Variants in NKAIN2 observed in about 807,000 individuals in gnomAD.
NKAIN2 encodes the protein sodium/potassium-transporting ATPase subunit beta-1-interacting protein 2.
Under a neutral mutation model 32.6 loss-of-function variants are expected in NKAIN2, and 14 were observed. The ratio of observed to expected loss-of-function variants is 0.43; its 90% confidence interval spans 0.28 to 0.67. NKAIN2 has a LOEUF of 0.67. Among genes scored for constraint, NKAIN2 ranks in the 30% least tolerant of loss-of-function variants. The pLI is 0.17. For missense variants in NKAIN2, 198 were observed against 258.3 expected (o/e 0.77, Z 1.60); for synonymous variants, 80 against 87.2 (o/e 0.92, Z 0.46).
chr6:124,677,245 A>G (rs1175671889), intron 4 of NKAIN2, among the ~76,000 whole-genome samples: 1 of 152,218 alleles, frequency 6.6e-6, no homozygotes, highest in Non-Finnish European at 1.5e-5. Context: ...CTGGGATTAC[A>G]GGCGTGAGCC....
At chr6:123,905,314 T>G (rs911412477) in intron 1 of NKAIN2, among the ~76,000 whole-genome samples, 1 of 151,862 alleles carries the variant, frequency 6.6e-6, no homozygotes, top group Non-Finnish European at 1.5e-5. Flanking sequence ...GTGCAATTAG[T>G]GGGTTTGCAT....
rs571674755 is a variant in NKAIN2, at chr6:124,160,484, G to C, written c.55-122521G>C. ...ATGCTACATACTGTATGTATATATA[G>C]ATGTATATGAAAATGGACTTGCAAA... On this transcript the variant is annotated intron_variant, in intron 1 of 6. Transcript: ENST00000368417. Among the ~76,000 whole-genome samples the C allele has an allele frequency of 2.0e-5, 3 of 152,214 alleles. No individual in the cohort carries two copies. The South Asian group carries it at 6.2e-4, about 32-fold the overall frequency.
intron 3 of NKAIN2, among the ~76,000 whole-genome samples, chr6:124,615,361 A>G (rs1782847104): frequency 6.6e-6 from 1 of 152,234 alleles, no homozygotes; most frequent in African/African-American, 2.4e-5. Context: ...AACAAAGTTA[A>G]TTGTGTACTA....
intron 1 of NKAIN2, among the ~76,000 whole-genome samples, chr6:124,145,566 C>T (rs577038169): frequency 1.3e-5 from 2 of 152,120 alleles, no homozygotes; most frequent in Non-Finnish European, 2.9e-5. Flanking sequence ...AGTGCAATGG[C>T]GCCATCTCTG....
chr6:124,688,362 G>T (rs779518051), intron 4 of NKAIN2, among the ~76,000 whole-genome samples: 1 of 151,962 alleles, frequency 6.6e-6, no homozygotes, highest in East Asian at 1.9e-4. Context: ...CAAAATTGAA[G>T]AAAGGTACAG....
At chr6:124,669,627 T>G (rs1348936671) in intron 4 of NKAIN2, among the ~76,000 whole-genome samples, 1 of 152,026 alleles carries the variant, frequency 6.6e-6, no homozygotes, top group Non-Finnish European at 1.5e-5. Context: ...TCTGACCAGG[T>G]ATAGCCTAGT....
At chr6:124,442,626 A>T (rs1298054317) in intron 3 of NKAIN2, among the ~76,000 whole-genome samples, 5 of 152,018 alleles carry the variant, frequency 3.3e-5, no homozygotes, top group Non-Finnish European at 7.4e-5. Context: ...TACTGGGTAC[A>T]CCTGAATTAT....
chr6:124,442,182 C>T (rs930135565), intron 3 of NKAIN2, among the ~76,000 whole-genome samples: 3 of 152,038 alleles, frequency 2.0e-5, no homozygotes, highest in African/African-American at 7.2e-5. Flanking sequence ...AGCCCTTTGC[C>T]ACTGTCTGTG....
At chr6:123,996,761 T>C (rs955243958) in intron 1 of NKAIN2, among the ~76,000 whole-genome samples, 1 of 152,140 alleles carries the variant, frequency 6.6e-6, no homozygotes. Flanking sequence ...GGAAAATGTT[T>C]TTTAGAATGT....
chr6:123,929,173 A>G (rs1165084841), intron 1 of NKAIN2, among the ~76,000 whole-genome samples: 1 of 152,166 alleles, frequency 6.6e-6, no homozygotes, highest in Non-Finnish European at 1.5e-5. Flanking sequence ...GCATGTATAT[A>G]TTGTGATAAA....
chr6:124,273,202 C>G (rs368949442), intron 1 of NKAIN2, among the ~76,000 whole-genome samples: 1 of 152,118 alleles, frequency 6.6e-6, no homozygotes. Context: ...TGTCCCCACC[C>G]AAATCTCATC....
intron 3 of NKAIN2, among the ~76,000 whole-genome samples, chr6:124,368,880 A>T (rs868432847): frequency 1.3e-5 from 2 of 152,148 alleles, no homozygotes; most frequent in Admixed American, 6.6e-5. Context: ...TTATTCTCTC[A>T]TAGATCAAAA....
At chr6:124,149,234 AAT>A (rs1262709662) in intron 1 of NKAIN2, among the ~76,000 whole-genome samples, 1 of 152,162 alleles carries the variant, frequency 6.6e-6, no homozygotes, top group Non-Finnish European at 1.5e-5. Flanking sequence ...GTGATTTGCA[AAT>A]AGTTTCATTC....
chr6:124,707,290 G>A (rs890334624), intron 4 of NKAIN2, among the ~76,000 whole-genome samples: 96 of 152,132 alleles, frequency 6.3e-4, no homozygotes, highest in Non-Finnish European at 1.1e-3. Context: ...GAATACTGCC[G>A]CAATAAACAT....
rs181818475 is a variant in NKAIN2, at chr6:124,180,111, G to C, written c.55-102894G>C. Among the ~76,000 whole-genome samples, 30 of 150,380 alleles carry C rather than the reference G, an allele frequency of 2.0e-4. No individual in the cohort carries two copies. The East Asian group carries it at 2.7e-3, about 14-fold the overall frequency. On this transcript the variant is annotated intron_variant, in intron 1 of 6. Transcript: ENST00000368417. ...GCATGTAAGCAAATAGATATCTACT[G>C]TGTGTGTGTGTGTGTGTATGTATCC... is the stretch of plus-strand genomic sequence containing the variant.
intron 3 of NKAIN2, among the ~76,000 whole-genome samples, chr6:124,510,208 G>A (rs1318680864): frequency 4.0e-5 from 6 of 151,616 alleles, no homozygotes; most frequent in Admixed American, 1.3e-4. Flanking sequence ...TAGAACCTTA[G>A]AGACCAAGTC....
chr6:124,509,268 T>G (rs1778615220), intron 3 of NKAIN2, among the ~76,000 whole-genome samples: 1 of 152,186 alleles, frequency 6.6e-6, no homozygotes. Context: ...TATGCCATTA[T>G]CAATAGGACT....
chr6:124,197,173 T>G (rs1790354664), intron 1 of NKAIN2, among the ~76,000 whole-genome samples: 1 of 152,028 alleles, frequency 6.6e-6, no homozygotes, highest in African/African-American at 2.4e-5. Flanking sequence ...TTTCCATCTT[T>G]TATTTTAAAA....
At chr6:124,421,473 A>G (rs1362812032) in intron 3 of NKAIN2, among the ~76,000 whole-genome samples, 3 of 152,226 alleles carry the variant, frequency 2.0e-5, no homozygotes, top group African/African-American at 7.2e-5. Flanking sequence ...GAAATGTTCA[A>G]CTAAAACTTT....
Sources: allele counts gnomAD v4.1 joint callset (sites outside exome capture counted in the v4.1 genomes callset), GRCh38; gene constraint gnomAD v4.1.1; transcripts MANE v1.5; gene names NCBI Gene and HGNC (gene_info 2026-07-23, HGNC 2026-07-21).